AKT3: variants seen among roughly 807,000 people sequenced by gnomAD.
AKT3 encodes AKT serine/threonine kinase 3, also known as RAC-gamma serine/threonine-protein kinase.
In AKT3, 15 loss-of-function variants were observed where a neutral mutation model predicts 65.3. The observed-to-expected ratio is 0.23, with a 90% CI of 0.15 to 0.35. The LOEUF is 0.35. Among genes scored for constraint, AKT3 ranks in the 10% least tolerant of loss-of-function variants. AKT3 has a pLI of 1.00. For missense variants in AKT3, 243 were observed against 576.5 expected (o/e 0.42, Z 5.92); for synonymous variants, 206 against 183.8 (o/e 1.12, Z -0.98).
rs139182900 is a variant in AKT3, at chr1:243,702,242, A to G, written c.47-6526T>C. ...AAAGGTACAACAAATTGTTGTGATC[A>G]ATACGAGGTCAACAAACTTCTCAAA... On this transcript the variant is annotated intron_variant, in intron 2 of 13. Transcript: ENST00000673466. 2.5e-3 allele frequency among the ~76,000 whole-genome samples: 388 copies of G among 152,292 alleles called. 1 individual carries two copies. The highest frequency in any genetic ancestry group is 8.6e-3 in the African/African-American group (356 of 41,568).
chr1:243,660,689 T>G (rs957183875), intron 4 of AKT3, among the ~76,000 whole-genome samples: 1 of 152,164 alleles, frequency 6.6e-6, no homozygotes, highest in African/African-American at 2.4e-5. Context: ...CTGTTCAACA[T>G]AGTGTTGGAA....
intron 3 of AKT3, among the ~76,000 whole-genome samples, chr1:243,681,008 G>A (rs1379720211): frequency 6.6e-6 from 1 of 152,046 alleles, no homozygotes; most frequent in African/African-American, 2.4e-5. Context: ...TCACCTCAAG[G>A]CCCTACTGTA....
intron 6 of AKT3, among the ~76,000 whole-genome samples, chr1:243,616,056 C>A (rs539805317): frequency 6.6e-6 from 1 of 151,730 alleles, no homozygotes; most frequent in Admixed American, 6.6e-5. Context: ...GTGGGTGTTA[C>A]ACATTTTTTT....
At chr1:243,762,625 G>A (rs1446126650) in intron 2 of AKT3, among the ~76,000 whole-genome samples, 1 of 152,024 alleles carries the variant, frequency 6.6e-6, no homozygotes, top group Admixed American at 6.6e-5. Flanking sequence ...AAAATAAACA[G>A]GATATGTGAA....
At chr1:243,630,270 C>G (rs1679507477) in intron 6 of AKT3, among the ~76,000 whole-genome samples, 1 of 152,194 alleles carries the variant, frequency 6.6e-6, no homozygotes. Context: ...AGTCCAAAAT[C>G]TCATTTAAAT....
intron 3 of AKT3, among the ~76,000 whole-genome samples, chr1:243,668,694 G>GTA (rs1340485732): frequency 6.6e-6 from 1 of 152,146 alleles, no homozygotes. Flanking sequence ...AGCTGCATGT[G>GTA]TACAGGTGAG....
At chr1:243,665,952 C>T (rs1682739250) in intron 3 of AKT3, among the ~76,000 whole-genome samples, 1 of 152,174 alleles carries the variant, frequency 6.6e-6, no homozygotes, top group African/African-American at 2.4e-5. Context: ...CAACTATCAA[C>T]TGCCATTTCT....
intron 2 of AKT3, among the ~76,000 whole-genome samples, chr1:243,786,638 A>T (rs1202666259): frequency 6.6e-6 from 1 of 152,190 alleles, no homozygotes; most frequent in African/African-American, 2.4e-5. Flanking sequence ...TAAGCAAATA[A>T]AAGTAAACCA....
chr1:243,772,188 T>C (rs1236329739), intron 2 of AKT3, among the ~76,000 whole-genome samples: 1 of 151,874 alleles, frequency 6.6e-6, no homozygotes, highest in Non-Finnish European at 1.5e-5. Flanking sequence ...AATTGACAAA[T>C]GGGATCTAAT....
chr1:243,598,450 A>T (rs1387586130), intron 8 of AKT3, among the ~76,000 whole-genome samples: 1 of 152,174 alleles, frequency 6.6e-6, no homozygotes, highest in African/African-American at 2.4e-5. Flanking sequence ...TGTAAAATGC[A>T]TTAACTCAAA....
At chr1:243,614,948 A>AATAAGTTAT in intron 7 of AKT3, 148 bp downstream of exon 7, 1 of 624,796 alleles carries the variant, frequency 1.6e-6, no homozygotes, top group Admixed American at 3.0e-5. Context: ...CATACATTCT[A>AATAAGTTAT]ATAAGTTATA....
In AKT3 at chr1:243,537,745, C is replaced by T. The variant is rs116020069; in HGVS notation, c.1251+7765G>A. ...CATACGAGGTCGACTTTCAAGAAGC[C>T]GCAGTGTATTCACAGGCCACCTGTC... On this transcript the variant is annotated intron_variant, in intron 12 of 13. Coordinates refer to ENST00000673466, the MANE Select transcript of AKT3 (RefSeq NM_005465.7). Among the ~76,000 whole-genome samples the T allele has an allele frequency of 6.3e-3, 955 of 152,258 alleles. 12 individuals are homozygous for T. The highest frequency in any genetic ancestry group is 0.021 in the African/African-American group (863 of 41,540).
In AKT3 at chr1:243,843,259, C is replaced by G; in HGVS notation, c.-89G>C. 2 of 1,541,048 alleles carry G rather than the reference C, an allele frequency of 1.3e-6. No individual in the cohort carries two copies. Among genetic ancestry groups the G allele is most frequent in the Admixed American group, 1.9e-5 (1 of 52,450 alleles). ...TGGATTCTCTGCTGCTGCTGCCCTT[C>G]CCACTCTCTAGTGATGACTCAGCCT... On this transcript the variant is annotated 5_prime_UTR_variant, in exon 2 of 14. Transcript: ENST00000673466.
In AKT3 at chr1:243,749,330, C is replaced by T. The variant is rs144394158; in HGVS notation, c.47-53614G>A. ...AATTATTTCATTCATCTCTAGTTGA[C>T]TTGATCATGATTGTTTTCTAAAGGA... is the stretch of plus-strand genomic sequence containing the variant. On this transcript the variant is annotated intron_variant, in intron 2 of 13. Transcript: ENST00000673466. Among the ~76,000 whole-genome samples the T allele has an allele frequency of 3.5e-3, 526 of 152,228 alleles. 2 individuals are homozygous for T. The highest frequency in any genetic ancestry group is 0.012 in the African/African-American group (508 of 41,540).
intron 2 of AKT3, among the ~76,000 whole-genome samples, chr1:243,838,902 A>T (rs566818686): frequency 6.6e-6 from 1 of 152,338 alleles, no homozygotes; most frequent in East Asian, 1.9e-4. Flanking sequence ...GTTAGATACT[A>T]ATACAAAAAG....
intron 8 of AKT3, among the ~76,000 whole-genome samples, chr1:243,585,570 C>A (rs1416543125): frequency 6.6e-6 from 1 of 151,936 alleles, no homozygotes; most frequent in Non-Finnish European, 1.5e-5. Context: ...TAATAGAGAG[C>A]CCAGAAATAA....
At chr1:243,638,377 T>C (rs1045209361) in intron 5 of AKT3, among the ~76,000 whole-genome samples, 3 of 152,180 alleles carry the variant, frequency 2.0e-5, no homozygotes, top group African/African-American at 7.2e-5. Context: ...TCAGTTTCAC[T>C]TCTCTTTCTT....
At chr1:243,622,894 G>A (rs1274253115) in intron 6 of AKT3, among the ~76,000 whole-genome samples, 2 of 152,154 alleles carry the variant, frequency 1.3e-5, no homozygotes, top group African/African-American at 4.8e-5. Flanking sequence ...AAGAGTCCAA[G>A]GAAAAAGAGA....
At chr1:243,528,335 T>C (rs767681613) in intron 12 of AKT3, among the ~76,000 whole-genome samples, 127 of 152,304 alleles carry the variant, frequency 8.3e-4, no homozygotes, top group Non-Finnish European at 5.9e-4. Context: ...TTTTTAAATT[T>C]TAGGTTGAGT....
Sources: allele counts gnomAD v4.1 joint callset (sites outside exome capture counted in the v4.1 genomes callset), GRCh38; gene constraint gnomAD v4.1.1; transcripts MANE v1.5; gene names NCBI Gene and HGNC (gene_info 2026-07-23, HGNC 2026-07-21).